Variants in PRKAR1A observed in about 807,000 individuals in gnomAD.
The protein encoded by PRKAR1A is protein kinase cAMP-dependent type I regulatory subunit alpha, also known as cAMP-dependent protein kinase type I-alpha regulatory subunit.
Under a neutral mutation model 52.0 loss-of-function variants are expected in PRKAR1A, and 3 were observed. The ratio of observed to expected loss-of-function variants is 0.06; its 90% confidence interval spans 0.03 to 0.15. The LOEUF is 0.15. PRKAR1A is among the 10% of genes least tolerant of loss of function. The pLI, the probability that PRKAR1A is intolerant of heterozygous loss-of-function variation, is 1.00. For missense variants in PRKAR1A, 240 were observed against 477.4 expected (o/e 0.50, Z 4.63); for synonymous variants, 188 against 168.4 (o/e 1.12, Z -0.90).
the PRKAR1A span, among the ~76,000 whole-genome samples, chr17:68,479,557 A>G: frequency 0.021 from 3,256 of 152,228 alleles, 103 homozygotes; most frequent in African/African-American, 0.073. Flanking sequence ...TATTTTTAAA[A>G]ATGTACTTCA....
At chr17:68,428,178 G>C in the PRKAR1A span, 1 of 151,546 alleles carries the variant, frequency 6.6e-6, no homozygotes, top group Non-Finnish European at 1.5e-5. Flanking sequence ...GATTACAGGC[G>C]TGAGTCAACA....
At chr17:68,432,728 A>G in the PRKAR1A span, among the ~76,000 whole-genome samples, 2 of 152,154 alleles carry the variant, frequency 1.3e-5, no homozygotes, top group African/African-American at 4.8e-5. Context: ...CAGATACAGT[A>G]GGCTTTCTGT....
intron 11 of PRKAR1A, among the ~76,000 whole-genome samples, chr17:68,546,691 A>G (rs1026864080): frequency 6.6e-6 from 1 of 152,054 alleles, no homozygotes; most frequent in African/African-American, 2.4e-5. Context: ...TTATCCGGGC[A>G]TGGTGGCCGG....
exon 12 of PRKAR1A, chr17:68,551,138 A>T (rs1361748864): frequency 8.1e-7 from 1 of 1,233,642 alleles, no homozygotes; most frequent in African/African-American, 1.6e-5. Flanking sequence ...ACTGGGGCCG[A>T]ACTCTAGGAG....
intron 5 of PRKAR1A, among the ~76,000 whole-genome samples, chr17:68,524,343 A>G (rs2085715502): frequency 6.6e-6 from 1 of 152,218 alleles, no homozygotes; most frequent in Non-Finnish European, 1.5e-5. Context: ...AATGTCATAT[A>G]GAATTGCAGA....
At chr17:68,482,193 G>T in the PRKAR1A span, among the ~76,000 whole-genome samples, 1 of 152,224 alleles carries the variant, frequency 6.6e-6, no homozygotes, top group African/African-American at 2.4e-5. Flanking sequence ...CAGGGAAAAA[G>T]ACAGACGGAT....
the PRKAR1A span, among the ~76,000 whole-genome samples, chr17:68,489,557 A>T: frequency 3.3e-5 from 5 of 149,630 alleles, no homozygotes; most frequent in Non-Finnish European, 5.9e-5. Flanking sequence ...AAGTATATAT[A>T]TACACACATA....
the PRKAR1A span, among the ~76,000 whole-genome samples, chr17:68,449,389 C>T: frequency 3.9e-5 from 6 of 152,144 alleles, no homozygotes; most frequent in Admixed American, 6.5e-5. Flanking sequence ...CAGCACTCTG[C>T]GAGGCCAAGG....
rs1031918370 is a variant in PRKAR1A at position 68,540,975 on chromosome 17, G to A, written c.974-10109G>A. 9.6e-6 allele frequency: 15 copies of A among 1,567,764 alleles called. No homozygotes were observed. The Admixed American group carries it at 1.5e-4, about 16-fold the overall frequency. On this transcript the variant is annotated intron_variant, in intron 11 of 11. Coordinates refer to the PRKAR1A transcript ENST00000585981. Reference sequence around the variant, plus strand: ...ACCTCCCACCTGAGGGGGAGAAGAAGTCCTGGGGCTGGAAAAGCCAAGATG... The same window carrying A: ...ACCTCCCACCTGAGGGGGAGAAGAAATCCTGGGGCTGGAAAAGCCAAGATG...
chr17:68,450,357 T>C, the PRKAR1A span, among the ~76,000 whole-genome samples: 28 of 152,126 alleles, frequency 1.8e-4, no homozygotes, highest in African/African-American at 6.8e-4. Context: ...TGAATGACAC[T>C]ATCTAGGGCA....
chr17:68,520,486 G>A (rs931324540), intron 2 of PRKAR1A, among the ~76,000 whole-genome samples: 3 of 152,118 alleles, frequency 2.0e-5, no homozygotes, highest in Non-Finnish European at 4.4e-5. Context: ...TATAACATTT[G>A]TATGTTTTTA....
intron 6 of PRKAR1A, among the ~76,000 whole-genome samples, chr17:68,525,534 T>C (rs947358650): frequency 3.9e-5 from 6 of 152,198 alleles, no homozygotes; most frequent in African/African-American, 1.4e-4. Context: ...GAGTGCTTTT[T>C]TCTTATCAGA....
chr17:68,477,161 T>C, the PRKAR1A span, among the ~76,000 whole-genome samples: 1 of 152,242 alleles, frequency 6.6e-6, no homozygotes. Flanking sequence ...CATCTTTGCA[T>C]ATGACAGTAA....
At chr17:68,542,281 A>G in intron 11 of PRKAR1A, 1 of 1,102,026 alleles carries the variant, frequency 9.1e-7, no homozygotes, top group Non-Finnish European at 1.3e-6. Flanking sequence ...CAGCTCGGGA[A>G]GAGAAAGAAG....
chr17:68,507,292 T>A (rs1045800361), upstream of PRKAR1A, among the ~76,000 whole-genome samples: 1 of 152,206 alleles, frequency 6.6e-6, no homozygotes, highest in East Asian at 1.9e-4. Flanking sequence ...ATGTGGTACA[T>A]ATACACTGTG....
intron 4 of PRKAR1A, 36 bp from the exon 5 acceptor site, chr17:68,523,980 T>C: frequency 6.2e-7 from 1 of 1,609,532 alleles, no homozygotes; most frequent in Non-Finnish European, 8.5e-7. Flanking sequence ...GGAAGAGACA[T>C]GTGAAATGTA....
chr17:68,497,426 T>C, the PRKAR1A span, among the ~76,000 whole-genome samples: 2 of 152,208 alleles, frequency 1.3e-5, no homozygotes, highest in East Asian at 3.8e-4. Context: ...GAATATGCTG[T>C]ATCTGGGCTG....
chr17:68,494,102 TAA>T, the PRKAR1A span, among the ~76,000 whole-genome samples: 5 of 152,248 alleles, frequency 3.3e-5, no homozygotes, highest in African/African-American at 7.2e-5. Flanking sequence ...TAAAAATATA[TAA>T]TCAAAAATGC....
At chr17:68,506,033 T>C in the PRKAR1A span, among the ~76,000 whole-genome samples, 6 of 152,224 alleles carry the variant, frequency 3.9e-5, no homozygotes, top group African/African-American at 1.4e-4. Context: ...AATTCAGTGT[T>C]CATAAATTTT....
Sources: allele counts gnomAD v4.1 joint callset (sites outside exome capture counted in the v4.1 genomes callset), GRCh38; gene constraint gnomAD v4.1.1; transcripts MANE v1.5; gene names NCBI Gene and HGNC (gene_info 2026-07-23, HGNC 2026-07-21).